The following NRP1 variants were observed in gnomAD, a reference collection of about 807,000 sequenced individuals.
NRP1 encodes the protein neuropilin-1.
Under a neutral mutation model 106.7 loss-of-function variants are expected in NRP1, and 35 were observed. The ratio of observed to expected loss-of-function variants is 0.33; its 90% CI spans 0.25 to 0.43. NRP1 has a LOEUF of 0.43. Ranked by LOEUF, NRP1 falls within the 20% of genes least tolerant of loss-of-function variation. The pLI is 1.00. For missense variants in NRP1, 1,024 were observed against 1,170.4 expected (o/e 0.87, Z 1.83); for synonymous variants, 437 against 417.9 (o/e 1.05, Z -0.56).
At chr10:33,285,394 A>G (rs1588920312) in intron 2 of NRP1, among the ~76,000 whole-genome samples, 1 of 152,252 alleles carries the variant, frequency 6.6e-6, no homozygotes, top group East Asian at 1.9e-4. Context: ...CAGTTATAAT[A>G]GAAGAATTAG....
chr10:33,261,953 C>T (rs1002296870), intron 4 of NRP1, among the ~76,000 whole-genome samples: 1 of 152,178 alleles, frequency 6.6e-6, no homozygotes, highest in Non-Finnish European at 1.5e-5. Flanking sequence ...CCAGTCTGGT[C>T]TCGAACTCAT....
At chr10:33,268,837 T>C (rs1333797507) in intron 3 of NRP1, among the ~76,000 whole-genome samples, 1 of 152,188 alleles carries the variant, frequency 6.6e-6, no homozygotes, top group Admixed American at 6.5e-5. Flanking sequence ...GCTGATATCA[T>C]ATGTATACTA....
At chr10:33,316,205 T>C (rs1356711628) in intron 2 of NRP1, among the ~76,000 whole-genome samples, 1 of 152,184 alleles carries the variant, frequency 6.6e-6, no homozygotes, top group Non-Finnish European at 1.5e-5. Context: ...GTGTTTGCAT[T>C]TGGCAAATAG....
chr10:33,237,817 G>A (rs551116248), intron 6 of NRP1, among the ~76,000 whole-genome samples: 3 of 151,992 alleles, frequency 2.0e-5, no homozygotes, highest in African/African-American at 4.8e-5. Context: ...TGGCCTCCCC[G>A]CTGGGATTAC....
At chr10:33,196,118 T>C (rs1836764904) in intron 12 of NRP1, among the ~76,000 whole-genome samples, 1 of 152,098 alleles carries the variant, frequency 6.6e-6, no homozygotes, top group African/African-American at 2.4e-5. Flanking sequence ...ATTACCTAGA[T>C]TTGGAATCTG....
chr10:33,290,694 G>A (rs958686345), intron 2 of NRP1, among the ~76,000 whole-genome samples: 1 of 152,100 alleles, frequency 6.6e-6, no homozygotes. Context: ...TCTGTGGTTT[G>A]TGCACGCTTC....
intron 6 of NRP1, among the ~76,000 whole-genome samples, chr10:33,227,092 T>C (rs901186334): frequency 6.6e-6 from 1 of 152,232 alleles, no homozygotes; most frequent in Non-Finnish European, 1.5e-5. Flanking sequence ...GTTCCCATTG[T>C]TAGGAAGGCC....
At chr10:33,288,397 C>T (rs1167187352) in intron 2 of NRP1, 1 of 152,246 alleles carries the variant, frequency 6.6e-6, no homozygotes, top group Non-Finnish European at 1.5e-5. Flanking sequence ...TTTTGAGCTG[C>T]TTTGTTTCCA....
intron 6 of NRP1, among the ~76,000 whole-genome samples, chr10:33,233,420 C>T (rs1214076423): frequency 6.6e-6 from 1 of 152,162 alleles, no homozygotes; most frequent in Non-Finnish European, 1.5e-5. Context: ...ACACATTTTA[C>T]CAGGAATCAC....
At chr10:33,271,108 A>G (rs1013436315) in intron 2 of NRP1, among the ~76,000 whole-genome samples, 1 of 152,234 alleles carries the variant, frequency 6.6e-6, no homozygotes, top group African/African-American at 2.4e-5. Context: ...ATACTTGCAG[A>G]CAATGTCAGT....
rs115486760 is a variant in NRP1, at chr10:33,270,862, A to G, written c.249-6T>C. ...AGACTTCCACGTAGTCATACCTAAT[A>G]CACAAACATGGAAGAAAACATTAGG... is the stretch of plus-strand genomic sequence containing the variant. On this transcript the variant is annotated splice_polypyrimidine_tract_variant and splice_region_variant and intron_variant, in intron 2 of 16. Transcript: ENST00000374867. 173 of 1,582,434 alleles carry G rather than the reference A, an allele frequency of 1.1e-4. No individual in the cohort carries two copies. The African/African-American group carries it at 2.2e-3, about 20-fold the overall frequency.
chr10:33,249,545 G>A (rs748534783), intron 6 of NRP1: 8 of 525,266 alleles, frequency 1.5e-5, no homozygotes, highest in African/African-American at 1.2e-4. Context: ...TCTGTATTTT[G>A]CATCCTAGAA....
chr10:33,325,255 A>G (rs1265404770), intron 2 of NRP1, among the ~76,000 whole-genome samples: 1 of 152,256 alleles, frequency 6.6e-6, no homozygotes, highest in African/African-American at 2.4e-5. Flanking sequence ...TCAGTTTTCC[A>G]TAAAACAAGG....
chr10:33,237,487 G>GCGCGCGCACGCACACA (rs1554788780), intron 6 of NRP1, among the ~76,000 whole-genome samples: 2 of 144,852 alleles, frequency 1.4e-5, no homozygotes, highest in South Asian at 4.5e-4. Context: ...ACATGCGCGC[G>GCGCGCGCACGCACACA]CACACACACA....
intron 8 of NRP1, among the ~76,000 whole-genome samples, chr10:33,220,927 A>G (rs1839195409): frequency 1.3e-5 from 2 of 151,548 alleles, no homozygotes; most frequent in Non-Finnish European, 2.9e-5. Flanking sequence ...AAAAAAAGAA[A>G]AACAAATAAA....
chr10:33,327,457 A>T (rs1232430021), intron 2 of NRP1, among the ~76,000 whole-genome samples: 2 of 152,190 alleles, frequency 1.3e-5, no homozygotes, highest in Admixed American at 1.3e-4. Flanking sequence ...GTTTGTTCTT[A>T]ACAAGAGTGA....
chr10:33,292,125 G>C (rs954706489), intron 2 of NRP1, among the ~76,000 whole-genome samples: 1 of 152,116 alleles, frequency 6.6e-6, no homozygotes, highest in Admixed American at 6.5e-5. Flanking sequence ...TGAACTCTCT[G>C]GCTCAAGTGA....
rs145954532 is a variant in NRP1 at position 33,213,705 on chromosome 10, G to A, written c.1295C>T (p.Ser432Phe). 2.2e-4 allele frequency: 352 copies of A among 1,586,786 alleles called. 1 individual carries two copies. The highest frequency in any genetic ancestry group is 1.1e-3 in the South Asian group (93 of 87,270). ...YGCKITDYPC[S>F]GMLGMVSGLI... ...TCCAGACACCATACCCAACATTCCAGAGCAAGGATAATCTGGGAAGTGAAA... is the reference window on the plus strand; with the variant it reads ...TCCAGACACCATACCCAACATTCCAAAGCAAGGATAATCTGGGAAGTGAAA... The change falls in exon 9 of 17, where the codon TCT becomes TTT. Residue 432 changes from serine (S) to phenylalanine (F), a missense_variant. Transcript: ENST00000374867.
At chr10:33,215,737 A>C (rs1039506262) in intron 8 of NRP1, among the ~76,000 whole-genome samples, 3 of 152,228 alleles carry the variant, frequency 2.0e-5, no homozygotes, top group African/African-American at 7.2e-5. Context: ...TTCATTACTC[A>C]GATACTTTCC....
Sources: gnomAD v4.1 joint callset for allele counts (sites outside exome capture counted in the v4.1 genomes callset) on GRCh38, gnomAD v4.1.1 for gene constraint, MANE v1.5 for transcripts, NCBI Gene and HGNC (gene_info 2026-07-23, HGNC 2026-07-21) for gene names.